ARL15: variants seen among roughly 807,000 people sequenced by gnomAD.
The protein encoded by ARL15 is ADP-ribosylation factor-like protein 15.
A neutral mutation model predicts 25.2 loss-of-function variants in ARL15; 19 were observed. The ratio of observed to expected loss-of-function variants is 0.75; its 90% confidence interval spans 0.53 to 1.10. ARL15 has a LOEUF of 1.10. ARL15 is among the 50% of genes least tolerant of loss of function. The pLI, the probability that ARL15 is intolerant of heterozygous loss-of-function variation, is 0.00. For synonymous variants in ARL15, 94 were observed against 86.8 expected (o/e 1.08, Z -0.46); for missense variants, 220 against 246.0 (o/e 0.89, Z 0.71).
At chr5:54,001,747 T>C (rs1463996191) in intron 4 of ARL15, among the ~76,000 whole-genome samples, 1 of 152,192 alleles carries the variant, frequency 6.6e-6, no homozygotes, top group Non-Finnish European at 1.5e-5. Flanking sequence ...ATGCTTAATT[T>C]GAGTCAACAA....
At chr5:53,889,826 T>C (rs1744656498) in intron 4 of ARL15, among the ~76,000 whole-genome samples, 1 of 151,818 alleles carries the variant, frequency 6.6e-6, no homozygotes, top group Admixed American at 6.6e-5. Context: ...TTTTTTTTTT[T>C]TCCGAGACAG....
chr5:54,110,337 A>C (rs774274109), intron 4 of ARL15, among the ~76,000 whole-genome samples: 3 of 152,046 alleles, frequency 2.0e-5, no homozygotes, highest in Non-Finnish European at 2.9e-5. Context: ...AGACACACTC[A>C]TCAACCAATA....
At chr5:53,900,270 G>A (rs896722580) in intron 4 of ARL15, among the ~76,000 whole-genome samples, 2 of 152,192 alleles carry the variant, frequency 1.3e-5, no homozygotes, top group Non-Finnish European at 2.9e-5. Context: ...CAAGAAAACT[G>A]CAGGTGTGAT....
intron 4 of ARL15, among the ~76,000 whole-genome samples, chr5:54,053,887 C>A (rs538079393): frequency 1.2e-4 from 18 of 152,164 alleles, no homozygotes; most frequent in Non-Finnish European, 2.2e-4. Flanking sequence ...CTAAGGAAAT[C>A]TGAATACCAT....
At chr5:54,120,866 A>T (rs1346233473) in intron 3 of ARL15, among the ~76,000 whole-genome samples, 1 of 152,216 alleles carries the variant, frequency 6.6e-6, no homozygotes, top group Non-Finnish European at 1.5e-5. Context: ...CCAGGATGAA[A>T]TAAGATCTTT....
intron 1 of ARL15, among the ~76,000 whole-genome samples, chr5:54,253,421 G>A (rs902631800): frequency 5.3e-5 from 8 of 152,028 alleles, no homozygotes; most frequent in Admixed American, 1.3e-4. Context: ...CAGGGAGCTG[G>A]GAGTAGAGGT....
At chr5:53,966,105 A>G (rs1415135189) in intron 4 of ARL15, among the ~76,000 whole-genome samples, 1 of 152,186 alleles carries the variant, frequency 6.6e-6, no homozygotes. Flanking sequence ...CCAGAAAGAC[A>G]TATGCAGGAT....
intron 1 of ARL15, among the ~76,000 whole-genome samples, chr5:54,265,077 C>G (rs1180172824): frequency 2.0e-5 from 3 of 149,304 alleles, no homozygotes; most frequent in Non-Finnish European, 4.5e-5. Context: ...AGGATCTTTG[C>G]CCCAAGGTCA....
intron 4 of ARL15, among the ~76,000 whole-genome samples, chr5:54,031,506 A>C (rs1222285047): frequency 6.6e-6 from 1 of 152,172 alleles, no homozygotes; most frequent in Non-Finnish European, 1.5e-5. Context: ...TCTAGATAAC[A>C]TTTGCCCAGC....
intron 4 of ARL15, among the ~76,000 whole-genome samples, chr5:53,912,713 C>A (rs746728176): frequency 7.6e-4 from 116 of 152,182 alleles, no homozygotes; most frequent in Non-Finnish European, 2.4e-4. Context: ...CCACAAGAGA[C>A]TAAAGATTGC....
At chr5:53,983,226 T>C (rs1469550133) in intron 4 of ARL15, among the ~76,000 whole-genome samples, 1 of 152,204 alleles carries the variant, frequency 6.6e-6, no homozygotes, top group East Asian at 1.9e-4. Flanking sequence ...TTCTAGATTT[T>C]TACTGAAAAA....
intron 1 of ARL15, among the ~76,000 whole-genome samples, chr5:54,185,483 C>T (rs762515765): frequency 4.6e-5 from 7 of 152,182 alleles, no homozygotes; most frequent in Non-Finnish European, 8.8e-5. Flanking sequence ...GGACTTAGAG[C>T]ACTTGAATGC....
intron 1 of ARL15, among the ~76,000 whole-genome samples, chr5:54,187,670 C>T (rs1755278662): frequency 6.6e-6 from 1 of 152,190 alleles, no homozygotes; most frequent in Non-Finnish European, 1.5e-5. Context: ...ACTCAGCTCT[C>T]CTATTCTACA....
At chr5:54,223,064 C>T (rs1756422466) in intron 1 of ARL15, among the ~76,000 whole-genome samples, 1 of 150,538 alleles carries the variant, frequency 6.6e-6, no homozygotes, top group Non-Finnish European at 1.5e-5. Flanking sequence ...CCTCATGATC[C>T]GCCAGCCTCG....
intron 4 of ARL15, among the ~76,000 whole-genome samples, chr5:54,024,804 C>G (rs75912846): frequency 0.047 from 7,152 of 151,988 alleles, 226 homozygotes; most frequent in Middle Eastern, 0.08. Flanking sequence ...ATATGTATAT[C>G]TATAGTTAAT....
At chr5:54,269,971 GAGATACAGTTC>G (rs1757739487) in intron 1 of ARL15, among the ~76,000 whole-genome samples, 1 of 152,172 alleles carries the variant, frequency 6.6e-6, no homozygotes, top group Non-Finnish European at 1.5e-5. Context: ...TCACTAGGAT[GAGATACAGTTC>G]AGCATCAGTT....
intron 3 of ARL15, among the ~76,000 whole-genome samples, chr5:54,132,106 A>G (rs1554042520): frequency 6.6e-6 from 1 of 152,200 alleles, no homozygotes; most frequent in Non-Finnish European, 1.5e-5. Flanking sequence ...AATACATTAA[A>G]AAACATTTAA....
At chr5:54,298,016 C>T (rs10471890) in intron 1 of ARL15, among the ~76,000 whole-genome samples, 69,553 of 151,594 alleles carry the variant, frequency 0.46, 17,444 homozygotes, top group Non-Finnish European at 0.57. Flanking sequence ...CTCCTGACCT[C>T]GTGATCCGCC....
chr5:54,156,554 G>C (rs1049851259), intron 2 of ARL15, among the ~76,000 whole-genome samples: 1 of 152,148 alleles, frequency 6.6e-6, no homozygotes, highest in African/African-American at 2.4e-5. Context: ...ACTTGATTCT[G>C]GGTGCTCACT....
Sources: allele counts gnomAD v4.1 joint callset (sites outside exome capture counted in the v4.1 genomes callset), GRCh38; gene constraint gnomAD v4.1.1; transcripts MANE v1.5; gene names NCBI Gene and HGNC (gene_info 2026-07-23, HGNC 2026-07-21).